CNTN4: variants seen among roughly 807,000 people sequenced by gnomAD.
The protein encoded by CNTN4 is contactin-4.
CNTN4 carries 77 observed loss-of-function variants against 122.5 expected under a neutral mutation model. That is an observed-to-expected ratio of 0.63 (90% CI 0.52 to 0.76). The LOEUF is 0.76. CNTN4 is among the 30% of genes least tolerant of loss of function. The pLI is 0.00. For missense variants in CNTN4, 1,256 were observed against 1,259.1 expected (o/e 1.00, Z 0.04); for synonymous variants, 512 against 447.0 (o/e 1.15, Z -1.83).
intron 2 of CNTN4, among the ~76,000 whole-genome samples, chr3:2,239,627 C>T (rs1479062779): frequency 2.0e-5 from 3 of 151,948 alleles, no homozygotes; most frequent in East Asian, 3.9e-4. Context: ...CCTTTTATTT[C>T]GTAATTCAAA....
chr3:2,770,513 A>G (rs890300359), intron 6 of CNTN4, among the ~76,000 whole-genome samples: 1 of 152,204 alleles, frequency 6.6e-6, no homozygotes, highest in African/African-American at 2.4e-5. Context: ...GTCTGGCTCT[A>G]CCAAAGAAAA....
At chr3:2,353,045 T>C (rs2044704013) in intron 3 of CNTN4, among the ~76,000 whole-genome samples, 1 of 151,852 alleles carries the variant, frequency 6.6e-6, no homozygotes, top group East Asian at 1.9e-4. Flanking sequence ...TTTGTAAACG[T>C]GCCAATCAGT....
chr3:2,833,579 C>T (rs550621866), intron 7 of CNTN4, among the ~76,000 whole-genome samples: 175 of 151,810 alleles, frequency 1.2e-3, no homozygotes, highest in Admixed American at 2.8e-3. Flanking sequence ...ATTGTACTTT[C>T]TCATGTTTGA....
chr3:2,768,187 C>T (rs1304699394), intron 6 of CNTN4, among the ~76,000 whole-genome samples: 9 of 152,056 alleles, frequency 5.9e-5, no homozygotes, highest in Non-Finnish European at 1.2e-4. Context: ...CAGGTGGCCT[C>T]GATGCTTCTG....
At chr3:2,282,220 A>G (rs557486404) in intron 2 of CNTN4, among the ~76,000 whole-genome samples, 1 of 152,296 alleles carries the variant, frequency 6.6e-6, no homozygotes, top group East Asian at 1.9e-4. Flanking sequence ...GGCCAGTCAA[A>G]TGTAGCAAAC....
At chr3:2,933,238 G>A (rs1014038878) in intron 13 of CNTN4, among the ~76,000 whole-genome samples, 2 of 152,128 alleles carry the variant, frequency 1.3e-5, no homozygotes, top group African/African-American at 2.4e-5. Flanking sequence ...TCAGCCAAGG[G>A]ATAATTTCTG....
rs564785346 is a variant in CNTN4 at position 2,891,916 on chromosome 3, C to T, written c.940+4692C>T. Among the ~76,000 whole-genome samples the T allele has an allele frequency of 5.3e-5, 8 of 152,246 alleles. No homozygotes were observed. The South Asian group carries it at 6.2e-4, about 12-fold the overall frequency. ...ATGATTGGAAACCAAGAGCAAAAGC[C>T]GGACCATTGCCAATATCCAGGTGAG... On this transcript the variant is annotated intron_variant, in intron 10 of 24. Transcript: ENST00000418658.
intron 12 of CNTN4, among the ~76,000 whole-genome samples, chr3:2,924,370 A>G (rs1559673351): frequency 2.0e-5 from 3 of 151,304 alleles, no homozygotes. Flanking sequence ...GTAATTTGTG[A>G]TTTATATTTC....
At chr3:2,798,691 A>C (rs1161092210) in intron 6 of CNTN4, among the ~76,000 whole-genome samples, 1 of 152,060 alleles carries the variant, frequency 6.6e-6, no homozygotes, top group Non-Finnish European at 1.5e-5. Flanking sequence ...TTGTATTTTT[A>C]GTAGAGATGC....
chr3:2,367,848 C>T (rs9876071), intron 3 of CNTN4, among the ~76,000 whole-genome samples: 67,523 of 151,632 alleles, frequency 0.45, 15,104 homozygotes, highest in South Asian at 0.5. Flanking sequence ...TAACAACGTT[C>T]GGACTATTTC....
chr3:2,778,407 C>T (rs1313269432), intron 6 of CNTN4, among the ~76,000 whole-genome samples: 1 of 145,748 alleles, frequency 6.9e-6, no homozygotes, highest in Non-Finnish European at 1.5e-5. Flanking sequence ...AAACATGAGC[C>T]ACTCATGATT....
intron 6 of CNTN4, among the ~76,000 whole-genome samples, chr3:2,749,386 TG>T (rs1276159819): frequency 8.0e-5 from 12 of 150,622 alleles, no homozygotes. Context: ...TTGGCCAGGC[TG>T]GTTTCGAACT....
Position 2,736,482 on chromosome 3 carries a change from G to A in CNTN4, c.182+141G>A, listed in dbSNP as rs1914015. 0.88 allele frequency: 314,473 copies of A among 358,676 alleles called. 141,811 individuals carry two copies. The highest frequency in any genetic ancestry group is 0.94 in the Non-Finnish European group (235,751 of 249,670). 22.2% of individuals were successfully genotyped at this position (358,676 alleles called of 1,614,324 possible). ...TTTATTTTATATATTTATATTTTTG[G>A]GACCGAGTTTTGCTCTTGTTGCCCA... On this transcript the variant is annotated intron_variant, in intron 5 of 24. Coordinates refer to ENST00000418658, the MANE Select transcript of CNTN4 (RefSeq NM_175607.3).
intron 4 of CNTN4, among the ~76,000 whole-genome samples, chr3:2,577,529 G>C (rs1050695875): frequency 6.6e-6 from 1 of 152,130 alleles, no homozygotes; most frequent in African/African-American, 2.4e-5. Context: ...TTATACTTCT[G>C]TACAATGAAG....
chr3:2,589,789 G>A (rs1176753660), intron 4 of CNTN4, among the ~76,000 whole-genome samples: 2 of 152,116 alleles, frequency 1.3e-5, no homozygotes, highest in Non-Finnish European at 2.9e-5. Flanking sequence ...AGGTGTTGAC[G>A]GTAGGCCTCT....
chr3:2,602,343 C>T (rs1000130343), intron 4 of CNTN4, among the ~76,000 whole-genome samples: 3 of 152,050 alleles, frequency 2.0e-5, no homozygotes, highest in Non-Finnish European at 2.9e-5. Flanking sequence ...TTTAGAAAAC[C>T]CCATCATCTC....
At chr3:2,844,635 T>G (rs919016662) in intron 7 of CNTN4, among the ~76,000 whole-genome samples, 4 of 152,182 alleles carry the variant, frequency 2.6e-5, no homozygotes, top group African/African-American at 4.8e-5. Context: ...ACCTGCAAAA[T>G]TCCACCATTA....
At chr3:2,429,382 G>C (rs1364383166) in intron 3 of CNTN4, among the ~76,000 whole-genome samples, 1 of 152,238 alleles carries the variant, frequency 6.6e-6, no homozygotes, top group Non-Finnish European at 1.5e-5. Flanking sequence ...CAGCAGCAGA[G>C]GCTGCGGAAC....
chr3:2,316,325 G>T (rs2043097320), intron 2 of CNTN4, among the ~76,000 whole-genome samples: 1 of 151,964 alleles, frequency 6.6e-6, no homozygotes, highest in African/African-American at 2.4e-5. Context: ...TTATCAAGAT[G>T]TATTTGAGGC....
Sources: allele counts gnomAD v4.1 joint callset (sites outside exome capture counted in the v4.1 genomes callset), GRCh38; gene constraint gnomAD v4.1.1; transcripts MANE v1.5; gene names NCBI Gene and HGNC (gene_info 2026-07-23, HGNC 2026-07-21).